ASPH: variants seen among roughly 807,000 people sequenced by gnomAD.
ASPH encodes aspartate beta-hydroxylase.
In ASPH, 100 loss-of-function variants were observed where a neutral mutation model predicts 118.4. The observed-to-expected ratio is 0.84, with a 90% CI of 0.72 to 1.00. The LOEUF (loss-of-function observed/expected upper bound fraction) is 1.00, where lower values mean the gene tolerates loss of function less well. ASPH is among the 50% of genes least tolerant of loss of function. The probability of loss-of-function intolerance (pLI) is 0.00; values close to 1 mark genes in which losing one functional copy is unlikely to be tolerated. For missense variants in ASPH, 920 were observed against 919.5 expected (o/e 1.00, Z -0.01); for synonymous variants, 315 against 325.6 (o/e 0.97, Z 0.35).
In ASPH at chr8:61,500,793, A is replaced by AGTT. The variant is rs1409477160; in HGVS notation, c.*2563_*2565dup. ...GCTCAAAGTCAAACAAAAATATTTT[A>AGTT]GTTAATAATGGGCAGTAAAATATGA... On this transcript the variant is annotated 3_prime_UTR_variant, in exon 25 of 25. Transcript: ENST00000379454. 6.6e-6 allele frequency: 1 copy of AGTT among 152,238 alleles called. No individual in the cohort carries two copies. The highest frequency in any genetic ancestry group is 1.5e-5 in the Non-Finnish European group (1 of 68,038). The allele number at this position is 152,238 out of a possible 1,614,324, so 9.4% of individuals were successfully genotyped here. A position where few individuals can be genotyped will look rare whatever the true frequency, so the allele number is the denominator to read the frequency against.
At chr8:61,660,155 T>C (rs1444355464) in intron 3 of ASPH, 1 of 152,080 alleles carries the variant, frequency 6.6e-6, no homozygotes, top group Non-Finnish European at 1.5e-5. Context: ...CCTCCCTCTC[T>C]CCCCTCTCTA....
intron 16 of ASPH, among the ~76,000 whole-genome samples, chr8:61,571,887 C>G (rs994652997): frequency 2.0e-5 from 3 of 152,100 alleles, no homozygotes; most frequent in Admixed American, 6.5e-5. Context: ...TTTTTGGTAA[C>G]AAACACACTC....
chr8:61,663,541 G>T, intron 3 of ASPH: 9 of 985,320 alleles, frequency 9.1e-6, no homozygotes, highest in Non-Finnish European at 1.1e-5. Flanking sequence ...TCTGATTCCA[G>T]GTCTAGACTT....
intron 14 of ASPH, among the ~76,000 whole-genome samples, chr8:61,599,174 A>G (rs1843222209): frequency 6.6e-6 from 1 of 152,210 alleles, no homozygotes; most frequent in South Asian, 2.1e-4. Flanking sequence ...AGGGACTAAA[A>G]AAAAATTACA....
At chr8:61,634,794 C>A (rs1857043935) in intron 12 of ASPH, among the ~76,000 whole-genome samples, 1 of 152,132 alleles carries the variant, frequency 6.6e-6, no homozygotes, top group South Asian at 2.1e-4. Context: ...ATTCTACGCT[C>A]AAAATATTGT....
intron 4 of ASPH, 122 bp downstream of exon 4, chr8:61,653,446 A>C (rs1271365399): frequency 1.6e-5 from 14 of 861,712 alleles, no homozygotes; most frequent in Admixed American, 3.2e-5. Context: ...AGAGAAAAAA[A>C]GTAGTTAATT....
chr8:61,644,627 C>G lies in ASPH; in HGVS notation c.625G>C (p.Glu209Gln). The G allele has an allele frequency of 6.3e-7, 1 of 1,583,692 alleles. No individual in the cohort carries two copies. Among genetic ancestry groups the G allele is most frequent in the Non-Finnish European group, 8.6e-7 (1 of 1,165,360 alleles). The change falls in exon 7 of 25, where the codon GAG becomes CAG. Residue 209 changes from glutamate to glutamine, a missense_variant. By Grantham distance (29) the Glu-to-Gln change is conservative (BLOSUM62 2). Coordinates refer to ENST00000379454, the MANE Select transcript of ASPH (RefSeq NM_004318.4). Reference sequence around the variant, plus strand: ...GTCTCTTCCACGTGGTAACTATGCTCGGTTTCTGGAAAAAAAAAAATTAGA... The same window carrying G: ...GTCTCTTCCACGTGGTAACTATGCTGGGTTTCTGGAAAAAAAAAAATTAGA... Reference protein sequence around the residue: ...LEPEVSHEETEHSYHVEETVS... With the variant: ...LEPEVSHEETQHSYHVEETVS...
At chr8:61,658,789 C>T (rs757125625) in intron 3 of ASPH, 3 of 152,170 alleles carry the variant, frequency 2.0e-5, no homozygotes, top group Non-Finnish European at 4.4e-5. Flanking sequence ...AAAACACACA[C>T]ACACGGTTTT....
rs79464117 is a variant in ASPH, at chr8:61,645,187, T to G, written c.620-555A>C. On this transcript the variant is annotated intron_variant, in intron 6 of 24. Transcript: ENST00000379454. ...ATGCATATATAAAGAATAAATATTT[T>G]TATTTTCTGAAGACTTTTAACAACC... is the stretch of plus-strand genomic sequence containing the variant. Among the ~76,000 whole-genome samples, 1,356 of 152,294 alleles carry G rather than the reference T, an allele frequency of 8.9e-3. 5 individuals carry two copies. The highest frequency in any genetic ancestry group is 0.017 in the Middle Eastern group (5 of 294).
In ASPH at chr8:61,534,020, T is replaced by C. The variant is rs1222823628; in HGVS notation, c.1765-7908A>G. 2.0e-5 allele frequency among the ~76,000 whole-genome samples: 3 copies of C among 152,220 alleles called. No individual in the cohort carries two copies. In the East Asian group the frequency reaches 5.8e-4, roughly 29 times the overall value. ...TAGAGTACAATGGCGCGATCTCGGC[T>C]CACCACAACCTCTGCCTCCCGGGAT... On this transcript the variant is annotated intron_variant, in intron 21 of 24. Coordinates refer to ENST00000379454, the MANE Select transcript of ASPH (RefSeq NM_004318.4).
chr8:61,519,353 A>AT (rs1395583225), intron 22 of ASPH, among the ~76,000 whole-genome samples: 1 of 152,156 alleles, frequency 6.6e-6, no homozygotes. Context: ...TCATCTGCAA[A>AT]TTTTTTTCAG....
chr8:61,505,154 G>A (rs541233936), intron 24 of ASPH, among the ~76,000 whole-genome samples: 38 of 152,100 alleles, frequency 2.5e-4, no homozygotes, highest in African/African-American at 8.7e-4. Context: ...TTCATCAGGG[G>A]TTCCCGCTTT....
At position 61,567,282 on chromosome 8, in the gene ASPH, C is replaced by T. The variant is rs773541480; in HGVS notation, c.1186G>A (p.Glu396Lys). Reference sequence around the variant, plus strand: ...GTCTCGATGGCTCCACGTAGCACCTCATTACTTCTCCTCTTCTCAGCCAAA... The same window carrying T: ...GTCTCGATGGCTCCACGTAGCACCTTATTACTTCTCCTCTTCTCAGCCAAA... ...DDLAEKRRSN[E>K]VLRGAIETYQ... Residue 396 changes from glutamate to lysine, a missense_variant, in exon 17 of 25, where the codon GAG becomes AAG. By Grantham distance (56) the Glu-to-Lys change is moderately conservative. Coordinates refer to ENST00000379454, the MANE Select transcript of ASPH (RefSeq NM_004318.4). 2 of 1,614,020 alleles carry T rather than the reference C, an allele frequency of 1.2e-6. No homozygotes were observed. Among genetic ancestry groups the T allele is most frequent in the African/African-American group, 1.3e-5 (1 of 75,014 alleles).
At chr8:61,631,581 C>T (rs780238050) in intron 13 of ASPH, 3 of 152,118 alleles carry the variant, frequency 2.0e-5, no homozygotes, top group Non-Finnish European at 2.9e-5. Flanking sequence ...GATGTTCATA[C>T]GTGGACAAAG....
intron 3 of ASPH, among the ~76,000 whole-genome samples, chr8:61,654,076 C>T (rs1017173874): frequency 5.3e-5 from 8 of 152,088 alleles, no homozygotes; most frequent in African/African-American, 1.7e-4. Flanking sequence ...TCGATGTTTT[C>T]ACTTATATAA....
chr8:61,684,399 G>T, intron 1 of ASPH: 1 of 507,840 alleles, frequency 2.0e-6, no homozygotes, highest in Non-Finnish European at 3.4e-6. Flanking sequence ...AAGTAGTGCA[G>T]GAAATAAACT....
At chr8:61,611,662 T>C (rs554349743) in intron 14 of ASPH, among the ~76,000 whole-genome samples, 4 of 152,336 alleles carry the variant, frequency 2.6e-5, no homozygotes, top group African/African-American at 9.6e-5. Flanking sequence ...ATTTAGATAG[T>C]GAATCCCAGA....
intron 1 of ASPH, among the ~76,000 whole-genome samples, chr8:61,711,767 A>G (rs1838116342): frequency 6.6e-6 from 1 of 152,204 alleles, no homozygotes. Flanking sequence ...AATGTGACCA[A>G]TGCCGTCATT....
intron 14 of ASPH, among the ~76,000 whole-genome samples, chr8:61,616,519 A>T (rs1849091089): frequency 6.6e-6 from 1 of 152,200 alleles, no homozygotes; most frequent in Admixed American, 6.5e-5. Context: ...GTAAATGAGA[A>T]AGGGCTCTGT....
Sources: allele counts gnomAD v4.1 joint callset (sites outside exome capture counted in the v4.1 genomes callset), GRCh38; gene constraint gnomAD v4.1.1; transcripts MANE v1.5; gene names NCBI Gene and HGNC (gene_info 2026-07-23, HGNC 2026-07-21).